Variants in TENM4 observed in about 807,000 individuals in gnomAD.
The protein encoded by TENM4 is teneurin-4.
A neutral mutation model predicts 243.3 loss-of-function variants in TENM4; 82 were observed. The observed-to-expected ratio is 0.34, with a 90% confidence interval of 0.28 to 0.40. The LOEUF (loss-of-function observed/expected upper bound fraction) is 0.40, where lower values mean the gene tolerates loss of function less well. Among genes scored for constraint, TENM4 ranks in the 10% least tolerant of loss-of-function variants. TENM4 has a pLI of 1.00. For synonymous variants in TENM4, 1,412 were observed against 1,456.3 expected (o/e 0.97, Z 0.69); for missense variants, 3,138 against 3,673.3 (o/e 0.85, Z 3.77).
chr11:79,092,736 G>A (rs1194585639), intron 4 of TENM4: 1 of 152,180 alleles, frequency 6.6e-6, no homozygotes. Context: ...CACCTATTTT[G>A]TGCCAGGCCA....
At chr11:79,110,731 G>A (rs1861484226) in intron 4 of TENM4, among the ~76,000 whole-genome samples, 1 of 152,166 alleles carries the variant, frequency 6.6e-6, no homozygotes, top group Non-Finnish European at 1.5e-5. Context: ...CCACCTGGGA[G>A]GATGGATGGC....
At chr11:78,834,545 G>C (rs1858058322) in intron 12 of TENM4, among the ~76,000 whole-genome samples, 1 of 152,172 alleles carries the variant, frequency 6.6e-6, no homozygotes, top group Non-Finnish European at 1.5e-5. Context: ...GGCACTACCA[G>C]AGTCTTTTGG....
intron 4 of TENM4, among the ~76,000 whole-genome samples, chr11:79,108,125 G>T (rs138426058): frequency 1.3e-5 from 2 of 152,174 alleles, no homozygotes; most frequent in Non-Finnish European, 2.9e-5. Flanking sequence ...GAGACCATCT[G>T]GGATGCTTAG....
At chr11:78,916,914 A>G (rs1046339088) in intron 6 of TENM4, among the ~76,000 whole-genome samples, 1 of 152,210 alleles carries the variant, frequency 6.6e-6, no homozygotes, top group Admixed American at 6.5e-5. Context: ...TAAGATCCCA[A>G]TACAAGCTTC....
At chr11:78,871,380 G>A (rs563127012) in intron 9 of TENM4, among the ~76,000 whole-genome samples, 33 of 152,138 alleles carry the variant, frequency 2.2e-4, no homozygotes, top group African/African-American at 6.7e-4. Context: ...GTGTATCAAG[G>A]TTTTCACTGA....
At chr11:79,084,879 C>A (rs1330278497) in intron 4 of TENM4, among the ~76,000 whole-genome samples, 3 of 152,082 alleles carry the variant, frequency 2.0e-5, no homozygotes, top group African/African-American at 7.2e-5. Context: ...CAGATAAATG[C>A]AAGTAAAATG....
At chr11:79,333,278 C>A (rs1857091715) in intron 1 of TENM4, among the ~76,000 whole-genome samples, 1 of 152,204 alleles carries the variant, frequency 6.6e-6, no homozygotes, top group Non-Finnish European at 1.5e-5. Context: ...AACAAACATT[C>A]ACTGAGAACC....
chr11:79,206,899 T>C (rs963777411), intron 3 of TENM4, among the ~76,000 whole-genome samples: 2 of 152,184 alleles, frequency 1.3e-5, no homozygotes, highest in African/African-American at 4.8e-5. Context: ...ACACCAATTA[T>C]GAATTTCTTA....
intron 1 of TENM4, among the ~76,000 whole-genome samples, chr11:79,419,222 C>A (rs914817734): frequency 6.6e-6 from 1 of 152,202 alleles, no homozygotes; most frequent in Non-Finnish European, 1.5e-5. Flanking sequence ...CCACTCCCAG[C>A]AAGTCATGGC....
chr11:79,138,437 A>ATATTATATTTATATATAATATATTT lies in TENM4; in HGVS notation c.-66+10248_-66+10272dup, dbSNP rs1862163540. ...TATATATTATATTATATATAAATAT[A>ATATTATATTTATATATAATATATTT]TATTATATTTATATATAATATATTT... On this transcript the variant is annotated intron_variant, in intron 4 of 33. Transcript: ENST00000278550. Among the ~76,000 whole-genome samples, 21 of 115,850 alleles carry ATATTATATTTATATATAATATATTT rather than the reference A, an allele frequency of 1.8e-4. No homozygotes were observed. The South Asian group carries it at 4.9e-3, about 27-fold the overall frequency. The allele number at this position is 115,850 out of a possible 152,430, so 76.0% of individuals were successfully genotyped here.
chr11:79,339,472 G>C (rs1225596054), intron 1 of TENM4, among the ~76,000 whole-genome samples: 1 of 152,128 alleles, frequency 6.6e-6, no homozygotes, highest in Non-Finnish European at 1.5e-5. Context: ...CCAAGGTCAA[G>C]GGCGCCTGTG....
intron 6 of TENM4, among the ~76,000 whole-genome samples, chr11:79,064,405 G>A (rs1860184028): frequency 6.6e-6 from 1 of 152,154 alleles, no homozygotes; most frequent in Non-Finnish European, 1.5e-5. Flanking sequence ...AGGCCTTGCT[G>A]ATTTGATGGA....
intron 4 of TENM4, among the ~76,000 whole-genome samples, chr11:79,070,252 G>T (rs1193079683): frequency 6.6e-6 from 1 of 152,180 alleles, no homozygotes; most frequent in African/African-American, 2.4e-5. Context: ...CTCCTCCAGT[G>T]ATGGGCACCG....
intron 2 of TENM4, among the ~76,000 whole-genome samples, chr11:79,242,391 A>T (rs1217718984): frequency 6.6e-6 from 1 of 152,216 alleles, no homozygotes; most frequent in Non-Finnish European, 1.5e-5. Flanking sequence ...AATAAAAATA[A>T]AAAACCAGAA....
chr11:79,026,101 G>A (rs1859071278), intron 6 of TENM4, among the ~76,000 whole-genome samples: 1 of 152,224 alleles, frequency 6.6e-6, no homozygotes, highest in South Asian at 2.1e-4. Context: ...ATTCAGGGCA[G>A]TGCCTGGCCA....
chr11:79,031,125 C>T (rs539050337), intron 6 of TENM4, among the ~76,000 whole-genome samples: 3 of 152,206 alleles, frequency 2.0e-5, no homozygotes, highest in East Asian at 1.9e-4. Flanking sequence ...CAGTGCCTGA[C>T]ATGGAGGAGG....
chr11:78,712,782 G>T, intron 25 of TENM4, 68 bp from the exon 26 acceptor site: 1 of 1,427,000 alleles, frequency 7.0e-7, no homozygotes, highest in African/African-American at 1.4e-5. Flanking sequence ...GAGATGTACA[G>T]ATGAACCCCT....
chr11:79,106,536 A>ACTAT, intron 4 of TENM4, among the ~76,000 whole-genome samples: 1 of 152,262 alleles, frequency 6.6e-6, no homozygotes, highest in Non-Finnish European at 1.5e-5. Context: ...AGAGCTAAGC[A>ACTAT]GTGCCTGCCA....
intron 1 of TENM4, among the ~76,000 whole-genome samples, chr11:79,373,680 T>TA (rs1176580976): frequency 6.6e-6 from 1 of 152,198 alleles, no homozygotes; most frequent in Non-Finnish European, 1.5e-5. Flanking sequence ...ATTATCATTT[T>TA]AAAAAATGAA....
Sources: gnomAD v4.1 joint callset for allele counts (sites outside exome capture counted in the v4.1 genomes callset) on GRCh38, gnomAD v4.1.1 for gene constraint, MANE v1.5 for transcripts, NCBI Gene and HGNC (gene_info 2026-07-23, HGNC 2026-07-21) for gene names.